RSF1: variants seen among roughly 807,000 people sequenced by gnomAD.
RSF1 encodes the protein remodeling and spacing factor 1.
A neutral mutation model predicts 145.2 loss-of-function variants in RSF1; 13 were observed. The observed-to-expected ratio is 0.09, with a 90% CI of 0.06 to 0.14. The LOEUF (loss-of-function observed/expected upper bound fraction) is 0.14, where lower values mean the gene tolerates loss of function less well. Ranked by LOEUF, RSF1 falls within the 10% of genes least tolerant of loss-of-function variation. The pLI is 1.00. For missense variants in RSF1, 1,517 were observed against 1,718.2 expected, an observed-to-expected ratio of 0.88 and a Z score of 2.07; for synonymous variants, 577 against 592.6, an observed-to-expected ratio of 0.97 and a Z score of 0.38.
chr11:77,855,148 A>G, the RSF1 span, among the ~76,000 whole-genome samples: 1 of 152,022 alleles, frequency 6.6e-6, no homozygotes, highest in Non-Finnish European at 1.5e-5. Context: ...GTCCCACAAA[A>G]CCATTATTTC....
intron 5 of RSF1, among the ~76,000 whole-genome samples, chr11:77,707,584 A>T (rs913271446): frequency 3.3e-5 from 5 of 152,246 alleles, no homozygotes; most frequent in Admixed American, 6.5e-5. Flanking sequence ...CTCCACTAGT[A>T]ATCAAAGAAA....
chr11:77,767,693 GT>G (rs1164767233), intron 1 of RSF1, among the ~76,000 whole-genome samples: 1 of 152,116 alleles, frequency 6.6e-6, no homozygotes, highest in Non-Finnish European at 1.5e-5. Context: ...GAAAGTCTCC[GT>G]GATAGATTTC....
chr11:77,715,637 G>A (rs1381434596), intron 5 of RSF1, among the ~76,000 whole-genome samples: 4 of 152,044 alleles, frequency 2.6e-5, no homozygotes, highest in Non-Finnish European at 4.4e-5. Flanking sequence ...TAGTAGAGAC[G>A]GGGTTTCACA....
rs749036163 is a variant in RSF1, at chr11:77,672,034, T to TAG, written c.3751+7_3751+8insCT. On this transcript the variant is annotated splice_region_variant and intron_variant, in intron 15 of 15. Coordinates refer to ENST00000308488, the MANE Select transcript of RSF1 (RefSeq NM_016578.4). ...CAAACTTCTATATATAGGAGACCTATGCCTTACCTTCACTCTCTGAGCTGG... is the reference window on the plus strand; with the variant it reads ...CAAACTTCTATATATAGGAGACCTATAGGCCTTACCTTCACTCTCTGAGCTGG... The TAG allele has an allele frequency of 6.2e-7, 1 of 1,606,910 alleles. No individual in the cohort carries two copies. The highest frequency in any genetic ancestry group is 8.5e-7 in the Non-Finnish European group (1 of 1,177,984).
chr11:77,719,343 G>C (rs1436540776), intron 5 of RSF1, among the ~76,000 whole-genome samples: 3 of 152,088 alleles, frequency 2.0e-5, no homozygotes, highest in Admixed American at 6.6e-5. Flanking sequence ...TTCCAAAATT[G>C]ATAAAGACAT....
At chr11:77,745,298 T>C (rs10899403) in intron 3 of RSF1, among the ~76,000 whole-genome samples, 38,658 of 152,076 alleles carry the variant, frequency 0.25, 5,629 homozygotes, top group South Asian at 0.49. Flanking sequence ...CTTGGTTATC[T>C]TCTTCCTTCT....
At position 77,667,428 on chromosome 11, in the gene RSF1, C is replaced by G. The variant is rs765942847; in HGVS notation, c.3815G>C (p.Arg1272Pro). 6.2e-7 allele frequency: 1 copy of G among 1,613,726 alleles called. No individual in the cohort carries two copies. Among genetic ancestry groups the G allele is most frequent in the Non-Finnish European group, 8.5e-7 (1 of 1,180,016 alleles). The change falls in exon 16 of 16, where the codon CGA becomes CCA. Residue 1272 changes from arginine (R) to proline (P), a missense_variant. This residue lies in a region of RSF1 where 240 missense variants were observed against 231.8 expected (regional missense o/e 1.04). Coordinates refer to ENST00000308488, the MANE Select transcript of RSF1 (RefSeq NM_016578.4). ...ELAKESKRSV[R>P]KRGRSTDEYS... ...CTCGTCTGTGCTTCGGCCCCGCTTT[C>G]GAACTGACCGCTTTGATTCTTTAGC...
intron 1 of RSF1, among the ~76,000 whole-genome samples, chr11:77,787,932 G>A (rs117377974): frequency 2.3e-3 from 351 of 150,780 alleles, no homozygotes; most frequent in Admixed American, 3.8e-3. Context: ...AGTTTGAGAC[G>A]AGTCTGGGCA....
Position 77,764,699 on chromosome 11 carries a change from A to C in RSF1, c.188-10T>G. 1.3e-6 allele frequency: 2 copies of C among 1,513,978 alleles called. No homozygotes were observed. Among genetic ancestry groups the C allele is most frequent in the Non-Finnish European group, 1.8e-6 (2 of 1,102,762 alleles). 93.8% of individuals were successfully genotyped at this position (1,513,978 alleles called of 1,614,324 possible). ...ACCAATTCTTTTGGTACTTAAAAGAAAGAAAAAAAATATCATTAGCCAACA... is the reference window on the plus strand; with the variant it reads ...ACCAATTCTTTTGGTACTTAAAAGACAGAAAAAAAATATCATTAGCCAACA... On this transcript the variant is annotated splice_polypyrimidine_tract_variant and intron_variant, in intron 1 of 15. Transcript: ENST00000308488.
chr11:77,847,684 T>C, the RSF1 span, among the ~76,000 whole-genome samples: 4 of 152,316 alleles, frequency 2.6e-5, no homozygotes, highest in Non-Finnish European at 5.9e-5. Flanking sequence ...GTGTGGTTAA[T>C]AGAGCATCTA....
chr11:77,827,035 G>A, the RSF1 span, among the ~76,000 whole-genome samples: 3 of 152,236 alleles, frequency 2.0e-5, no homozygotes, highest in East Asian at 5.8e-4. Flanking sequence ...AACCCAGGAG[G>A]CAGAGGTTGC....
chr11:77,701,222 T>C lies in RSF1; in HGVS notation c.2007A>G (p.Leu669=). 6.2e-7 allele frequency: 1 copy of C among 1,614,124 alleles called. No individual in the cohort carries two copies. Among genetic ancestry groups the C allele is most frequent in the Non-Finnish European group, 8.5e-7 (1 of 1,180,004 alleles). The change falls in exon 6 of 16, where the codon CTA becomes CTG. Residue 669 remains leucine, a synonymous_variant. Transcript: ENST00000308488. ...QSVKKVDLET[L]KEDSEFTKVE... is the part of the protein sequence containing the mutation. ...CCTTTGTGAACTCAGAATCCTCTTTTAGGGTTTCTAGGTCTACTTTTTTCA... is the reference window on the plus strand; with the variant it reads ...CCTTTGTGAACTCAGAATCCTCTTTCAGGGTTTCTAGGTCTACTTTTTTCA...
chr11:77,849,455 C>T, the RSF1 span, among the ~76,000 whole-genome samples: 1 of 152,128 alleles, frequency 6.6e-6, no homozygotes, highest in East Asian at 1.9e-4. Context: ...AACTCCTGAC[C>T]TCAGGTGATC....
intron 4 of RSF1, among the ~76,000 whole-genome samples, chr11:77,740,105 G>A (rs900649785): frequency 1.3e-5 from 2 of 152,256 alleles, no homozygotes; most frequent in African/African-American, 4.8e-5. Flanking sequence ...GCTGGGCCTG[G>A]TGGCCAACGC....
intron 1 of RSF1, among the ~76,000 whole-genome samples, chr11:77,776,352 A>G (rs1446384299): frequency 1.3e-5 from 2 of 152,164 alleles, no homozygotes; most frequent in African/African-American, 4.8e-5. Flanking sequence ...AGAACTATAA[A>G]CTTATACTGT....
chr11:77,806,871 T>G (rs1166838765), intron 1 of RSF1, among the ~76,000 whole-genome samples: 1 of 152,108 alleles, frequency 6.6e-6, no homozygotes, highest in Non-Finnish European at 1.5e-5. Context: ...CTGAAAAATG[T>G]CTAGCAAACA....
intron 1 of RSF1, among the ~76,000 whole-genome samples, chr11:77,766,359 T>G (rs1429192092): frequency 6.6e-6 from 1 of 152,210 alleles, no homozygotes; most frequent in African/African-American, 2.4e-5. Flanking sequence ...TAAAGCTCCT[T>G]CTGAATTTGA....
In RSF1 at chr11:77,667,440, T is replaced by C; in HGVS notation, c.3803A>G (p.Lys1268Arg). Residue 1268 changes from lysine (K) to arginine (R), a missense_variant, in exon 16 of 16, where the codon AAG becomes AGG. Lys to Arg is a conservative substitution (Grantham distance 26). Transcript: ENST00000308488. The stretch of plus-strand genomic sequence containing the variant: ...TCGGCCCCGCTTTCGAACTGACCGC[T>C]TTGATTCTTTAGCTAGCTCATCATC... ...SEDDELAKESKRSVRKRGRST... is the reference protein window; with the variant it reads ...SEDDELAKESRRSVRKRGRST... 1 of 1,613,384 alleles carries C rather than the reference T, an allele frequency of 6.2e-7. No individual in the cohort carries two copies. The highest frequency in any genetic ancestry group is 8.5e-7 in the Non-Finnish European group (1 of 1,179,998).
In RSF1 at chr11:77,752,819, G is replaced by A. The variant is rs771209973; in HGVS notation, c.280-5691C>T. On this transcript the variant is annotated intron_variant, in intron 2 of 15. Coordinates refer to ENST00000308488, the MANE Select transcript of RSF1 (RefSeq NM_016578.4). ...CATTCTAAGTCACAGGATGAGATAG[G>A]AAGTCGGCACAAGATAAAGGTCATA... 6.8e-4 allele frequency among the ~76,000 whole-genome samples: 104 copies of A among 152,236 alleles called. 1 individual carries two copies. The highest frequency in any genetic ancestry group is 1.2e-3 in the Admixed American group (19 of 15,288).
Sources: gnomAD v4.1 joint callset for allele counts (sites outside exome capture counted in the v4.1 genomes callset) on GRCh38, gnomAD v4.1.1 for gene constraint, gnomAD v4.1.1 regional missense constraint, MANE v1.5 for transcripts, NCBI Gene and HGNC (gene_info 2026-07-23, HGNC 2026-07-21) for gene names.